ITGA1: variants seen among roughly 807,000 people sequenced by gnomAD.
ITGA1 encodes the protein integrin alpha-1.
A neutral mutation model predicts 145.9 loss-of-function variants in ITGA1; 85 were observed. The observed-to-expected ratio is 0.58, with a 90% CI of 0.49 to 0.70. The LOEUF (loss-of-function observed/expected upper bound fraction) is 0.70, where lower values mean the gene tolerates loss of function less well. Ranked by LOEUF, ITGA1 falls within the 30% of genes least tolerant of loss-of-function variation. The pLI, the probability that ITGA1 is intolerant of heterozygous loss-of-function variation, is 0.00. For synonymous variants in ITGA1, 520 were observed against 495.3 expected (o/e 1.05, Z -0.66); for missense variants, 1,351 against 1,418.7 (o/e 0.95, Z 0.77).
In ITGA1 at chr5:52,922,904, T is replaced by C; in HGVS notation, c.2403+17T>C. The C allele has an allele frequency of 7.0e-7, 1 of 1,433,980 alleles. No homozygotes were observed. Among genetic ancestry groups the C allele is most frequent in the Non-Finnish European group, 9.8e-7 (1 of 1,016,254 alleles). 88.8% of individuals were successfully genotyped at this position (1,433,980 alleles called of 1,614,324 possible). ...CATGAATATGTAAGTCAGATTTCTT[T>C]AAAATACAAAATACCAACTTGTGAA... On this transcript the variant is annotated intron_variant, in intron 18 of 28. Coordinates refer to ENST00000282588, the MANE Select transcript of ITGA1 (RefSeq NM_181501.2).
intron 1 of ITGA1, among the ~76,000 whole-genome samples, chr5:52,790,885 T>C (rs966090436): frequency 6.6e-6 from 1 of 152,220 alleles, no homozygotes; most frequent in Non-Finnish European, 1.5e-5. Flanking sequence ...TTTCTTTACT[T>C]TCTCCATAAT....
intron 25 of ITGA1, 39 bp from the exon 26 acceptor site, chr5:52,939,801 G>A (rs780159697): frequency 1.4e-5 from 20 of 1,458,934 alleles, no homozygotes; most frequent in Admixed American, 5.1e-5. Context: ...TTGATAAAAC[G>A]GCAAGAATAC....
At chr5:52,855,572 T>C (rs1027196878) in intron 2 of ITGA1, among the ~76,000 whole-genome samples, 2 of 152,158 alleles carry the variant, frequency 1.3e-5, no homozygotes, top group Non-Finnish European at 2.9e-5. Flanking sequence ...TATATTCTAC[T>C]GGGGAATAGA....
intron 1 of ITGA1, among the ~76,000 whole-genome samples, chr5:52,817,860 A>G (rs1748802950): frequency 6.6e-6 from 1 of 152,200 alleles, no homozygotes; most frequent in South Asian, 2.1e-4. Context: ...CAGACAACCT[A>G]TTTTTGGTGA....
At chr5:52,800,789 C>A in intron 1 of ITGA1, 1 of 1,613,384 alleles carries the variant, frequency 6.2e-7, no homozygotes, top group Admixed American at 1.7e-5. Context: ...TGTGACCCAG[C>A]CTGGAGCGCT....
chr5:52,912,786 G>A (rs1037041708), intron 14 of ITGA1, among the ~76,000 whole-genome samples: 18 of 146,198 alleles, frequency 1.2e-4, no homozygotes, highest in East Asian at 6.0e-4. Flanking sequence ...TCGCTCTGTC[G>A]CCCAGGCTAG....
chr5:52,833,734 CA>C (rs1158910703), intron 1 of ITGA1, among the ~76,000 whole-genome samples: 1 of 151,906 alleles, frequency 6.6e-6, no homozygotes, highest in East Asian at 1.9e-4. Context: ...ATTTTTTAAG[CA>C]AATTGAAGTT....
At chr5:52,862,544 G>A (rs1253867756) in intron 3 of ITGA1, among the ~76,000 whole-genome samples, 1 of 152,086 alleles carries the variant, frequency 6.6e-6, no homozygotes, top group Non-Finnish European at 1.5e-5. Flanking sequence ...TTCTAATTCA[G>A]TGGTAATGTG....
At chr5:52,900,339 T>C (rs1250126158) in intron 11 of ITGA1, among the ~76,000 whole-genome samples, 2 of 152,156 alleles carry the variant, frequency 1.3e-5, no homozygotes, top group Non-Finnish European at 2.9e-5. Flanking sequence ...GTAAAACTCC[T>C]TATGAAAGGC....
chr5:52,883,363 G>A (rs559335560), intron 7 of ITGA1, among the ~76,000 whole-genome samples: 33 of 152,056 alleles, frequency 2.2e-4, no homozygotes, highest in Non-Finnish European at 4.4e-4. Flanking sequence ...GCATAAATAC[G>A]GCTCTAAATA....
intron 7 of ITGA1, among the ~76,000 whole-genome samples, chr5:52,885,057 T>C (rs1414853064): frequency 1.2e-4 from 18 of 152,128 alleles, no homozygotes; most frequent in Non-Finnish European, 2.6e-4. Context: ...CTTACTATTA[T>C]TAGTTTATTA....
intron 1 of ITGA1, among the ~76,000 whole-genome samples, chr5:52,790,960 T>C (rs1416281800): frequency 6.6e-6 from 1 of 152,158 alleles, no homozygotes; most frequent in African/African-American, 2.4e-5. Context: ...GAATTCCACC[T>C]TTCCATCCTA....
chr5:52,887,202 C>G (rs574151610), intron 7 of ITGA1, among the ~76,000 whole-genome samples: 1 of 152,264 alleles, frequency 6.6e-6, no homozygotes, highest in Admixed American at 6.5e-5. Context: ...CAACTGACTA[C>G]TCCATGGACT....
At chr5:52,854,549 T>G (rs1449672458) in intron 2 of ITGA1, among the ~76,000 whole-genome samples, 1 of 152,142 alleles carries the variant, frequency 6.6e-6, no homozygotes, top group East Asian at 1.9e-4. Context: ...AAAAAGAAAT[T>G]GGCGAGCAGA....
At chr5:52,937,375 A>G (rs753152006) in intron 23 of ITGA1, 26 bp from the exon 24 acceptor site, 3 of 1,417,334 alleles carry the variant, frequency 2.1e-6, no homozygotes, top group African/African-American at 2.8e-5. Flanking sequence ...AGGAAGAAAG[A>G]TTACATTTCC....
chr5:52,933,081 A>G (rs1472327742), intron 22 of ITGA1: 1 of 152,132 alleles, frequency 6.6e-6, no homozygotes, highest in Non-Finnish European at 1.5e-5. Context: ...TATAGCAACT[A>G]AACAGGGTAA....
At chr5:52,864,917 C>A in intron 4 of ITGA1, 54 bp from the exon 5 acceptor site, 1 of 1,555,530 alleles carries the variant, frequency 6.4e-7, no homozygotes, top group Admixed American at 1.7e-5. Context: ...TTTGTAAGAT[C>A]TGTTATATAA....
chr5:52,788,442 C>G (rs573041807), intron 1 of ITGA1, 28 bp downstream of exon 1: 70 of 1,482,042 alleles, frequency 4.7e-5, no homozygotes, highest in Admixed American at 7.0e-5. Flanking sequence ...CTCTGAGCAT[C>G]TCCTGCTCGC....
intron 23 of ITGA1, among the ~76,000 whole-genome samples, chr5:52,935,292 A>G (rs1750949350): frequency 6.6e-6 from 1 of 152,014 alleles, no homozygotes. Context: ...TCCCTAGGAA[A>G]TTTTTGGTGA....
Sources: gnomAD v4.1 joint callset for allele counts (sites outside exome capture counted in the v4.1 genomes callset) on GRCh38, gnomAD v4.1.1 for gene constraint, MANE v1.5 for transcripts, NCBI Gene and HGNC (gene_info 2026-07-23, HGNC 2026-07-21) for gene names.